HERC1: variants seen among roughly 807,000 people sequenced by gnomAD.
HERC1 encodes probable E3 ubiquitin-protein ligase HERC1.
In HERC1, 160 loss-of-function variants were observed where a neutral mutation model predicts 554.3. The ratio of observed to expected loss-of-function variants is 0.29; its 90% confidence interval spans 0.25 to 0.33. HERC1 has a LOEUF of 0.33. HERC1 is among the 10% of genes least tolerant of loss of function. The pLI is 1.00. For synonymous variants in HERC1, 2,175 were observed against 2,131.7 expected, an observed-to-expected ratio of 1.02 and a Z score of -0.56; for missense variants, 4,919 against 5,918.5, an observed-to-expected ratio of 0.83 and a Z score of 5.54.
chr15:63,693,899 A>G, intron 30 of HERC1, 65 bp downstream of exon 30: 1 of 1,464,120 alleles, frequency 6.8e-7, no homozygotes, highest in Middle Eastern at 1.8e-4. Context: ...CATCCTAATC[A>G]TATGCACACA....
chr15:63,793,768 T>C (rs1472581911), intron 1 of HERC1, among the ~76,000 whole-genome samples: 3 of 151,970 alleles, frequency 2.0e-5, no homozygotes, highest in Non-Finnish European at 2.9e-5. Context: ...AGAACCTCTA[T>C]GGGTTCAGCT....
At chr15:63,763,845 C>A (rs2075687685) in intron 3 of HERC1, among the ~76,000 whole-genome samples, 1 of 151,930 alleles carries the variant, frequency 6.6e-6, no homozygotes, top group Non-Finnish European at 1.5e-5. Flanking sequence ...CTTAATACAA[C>A]ATTTTTTCAA....
chr15:63,716,831 T>C (rs921585141), intron 21 of HERC1, among the ~76,000 whole-genome samples: 22 of 152,236 alleles, frequency 1.4e-4, no homozygotes, highest in African/African-American at 4.3e-4. Flanking sequence ...AGAGAATTTT[T>C]ATTCTATTCC....
intron 77 of HERC1, among the ~76,000 whole-genome samples, chr15:63,611,993 T>C (rs898598191): frequency 5.3e-5 from 8 of 152,192 alleles, no homozygotes; most frequent in Middle Eastern, 3.2e-3. Context: ...AAGACCAGCC[T>C]GGCCAACATG....
intron 19 of HERC1, among the ~76,000 whole-genome samples, chr15:63,721,361 A>G (rs909746191): frequency 6.6e-6 from 1 of 152,104 alleles, no homozygotes; most frequent in African/African-American, 2.4e-5. Context: ...CCCCATCTCT[A>G]CTAAAAATAC....
At chr15:63,754,145 G>A (rs1462174555) in intron 7 of HERC1, among the ~76,000 whole-genome samples, 1 of 151,326 alleles carries the variant, frequency 6.6e-6, no homozygotes. Flanking sequence ...CTGCACTCTA[G>A]CCTGGGTAAC....
At chr15:63,710,302 G>A (rs2073228956) in intron 24 of HERC1, among the ~76,000 whole-genome samples, 1 of 152,182 alleles carries the variant, frequency 6.6e-6, no homozygotes, top group Admixed American at 6.5e-5. Flanking sequence ...TTCTAATTTG[G>A]AAAGAAGTGT....
chr15:63,739,620 C>G (rs1476236094), intron 12 of HERC1, among the ~76,000 whole-genome samples: 2 of 151,914 alleles, frequency 1.3e-5, no homozygotes, highest in African/African-American at 4.8e-5. Flanking sequence ...AGGCAGATCA[C>G]CTGAGGTAAG....
chr15:63,709,309 C>T (rs1215746204), intron 24 of HERC1, among the ~76,000 whole-genome samples: 1 of 151,986 alleles, frequency 6.6e-6, no homozygotes, highest in Non-Finnish European at 1.5e-5. Context: ...TGCGCCTGGC[C>T]CAATCTTTTT....
rs373219506 is a variant in HERC1 at position 63,723,373 on chromosome 15, G to A, written c.3569-18C>T. 3.3e-5 allele frequency: 50 copies of A among 1,496,602 alleles called. No individual in the cohort carries two copies. The highest frequency in any genetic ancestry group is 5.6e-5 in the African/African-American group (4 of 71,510). The allele number at this position is 1,496,602 out of a possible 1,614,324, so 92.7% of individuals were successfully genotyped here. ...ACATTTATCTAAAAAAAATACTCACGTTACCAATTTTAACATCATAAATTT... is the reference window on the plus strand; with the variant it reads ...ACATTTATCTAAAAAAAATACTCACATTACCAATTTTAACATCATAAATTT... On this transcript the variant is annotated intron_variant, in intron 18 of 77. Coordinates refer to ENST00000443617, the MANE Select transcript of HERC1 (RefSeq NM_003922.4).
intron 70 of HERC1, among the ~76,000 whole-genome samples, chr15:63,628,165 C>T (rs1477108617): frequency 1.3e-5 from 2 of 152,024 alleles, no homozygotes; most frequent in African/African-American, 4.8e-5. Flanking sequence ...CTGAGGCGGG[C>T]GGATCACTGG....
intron 1 of HERC1, among the ~76,000 whole-genome samples, chr15:63,812,011 T>C (rs1230895246): frequency 6.6e-6 from 1 of 152,190 alleles, no homozygotes; most frequent in African/African-American, 2.4e-5. Context: ...AACATAATCA[T>C]TTTTAAGTAA....
intron 47 of HERC1, among the ~76,000 whole-genome samples, 191 bp downstream of exon 47, chr15:63,659,545 G>A (rs760284175): frequency 1.8e-4 from 28 of 152,096 alleles, no homozygotes; most frequent in Non-Finnish European, 3.4e-4. Flanking sequence ...AAGCCACCAA[G>A]CCCAGCCAAA....
intron 74 of HERC1, among the ~76,000 whole-genome samples, chr15:63,617,773 T>C (rs2152736041): frequency 6.6e-6 from 1 of 152,354 alleles, no homozygotes. Context: ...TGATGAGCAT[T>C]TTTTCATGTG....
intron 63 of HERC1, among the ~76,000 whole-genome samples, chr15:63,638,017 C>T (rs1053232916): frequency 2.0e-5 from 3 of 152,050 alleles, no homozygotes; most frequent in African/African-American, 7.2e-5. Context: ...AAGCAGAGGC[C>T]TCGAGAAGGG....
At chr15:63,833,765 A>G (rs1451975370) in intron 1 of HERC1, 62 bp downstream of exon 1, 5 of 150,892 alleles carry the variant, frequency 3.3e-5, no homozygotes, top group East Asian at 2.0e-4. Context: ...ACACACACAC[A>G]CACACACACA....
chr15:63,769,068 T>A (rs1472585301), intron 2 of HERC1, among the ~76,000 whole-genome samples: 1 of 152,164 alleles, frequency 6.6e-6, no homozygotes, highest in Non-Finnish European at 1.5e-5. Context: ...AAGTCAGTAT[T>A]TAAGGATAAG....
Position 63,628,732 on chromosome 15 carries a change from A to C in HERC1, c.13050T>G (p.Ala4350=). 6.2e-7 allele frequency: 1 copy of C among 1,614,046 alleles called. No individual in the cohort carries two copies. The highest frequency in any genetic ancestry group is 8.5e-7 in the Non-Finnish European group (1 of 1,179,896). Residue 4350 remains alanine, a synonymous_variant, in exon 70 of 78, where the codon GCT becomes GCG. Coordinates refer to ENST00000443617, the MANE Select transcript of HERC1 (RefSeq NM_003922.4). The stretch of plus-strand genomic sequence containing the variant: ...TCCATGCAGCACTGTGGCAGCGGCC[A>C]GCCGAGATCTGCCGAACATTTTTCC... The part of the protein sequence containing the change: ...LQGKNVRQIS[A]GRCHSAAWTA...
At chr15:63,614,597 A>G (rs1430894866) in intron 76 of HERC1, among the ~76,000 whole-genome samples, 1 of 152,226 alleles carries the variant, frequency 6.6e-6, no homozygotes. Flanking sequence ...GAGTATGTAT[A>G]CTTCAAATCA....
Sources: gnomAD v4.1 joint callset for allele counts (sites outside exome capture counted in the v4.1 genomes callset) on GRCh38, gnomAD v4.1.1 for gene constraint, MANE v1.5 for transcripts, NCBI Gene and HGNC (gene_info 2026-07-23, HGNC 2026-07-21) for gene names.